The following GRIK3 variants were observed in gnomAD, a reference collection of about 807,000 sequenced individuals.
GRIK3 encodes the protein glutamate ionotropic receptor kainate type subunit 3.
GRIK3 carries 29 observed loss-of-function variants against 102.5 expected under a neutral mutation model. The ratio of observed to expected loss-of-function variants is 0.28; its 90% CI spans 0.21 to 0.39. The LOEUF is 0.39. Ranked by LOEUF, GRIK3 falls within the 10% of genes least tolerant of loss-of-function variation. GRIK3 has a pLI of 1.00. For missense variants in GRIK3, 908 were observed against 1,252.4 expected (o/e 0.73, Z 4.15); for synonymous variants, 511 against 504.9 (o/e 1.01, Z -0.16).
At chr1:36,994,952 G>A (rs544854815) in intron 1 of GRIK3, among the ~76,000 whole-genome samples, 1 of 152,236 alleles carries the variant, frequency 6.6e-6, no homozygotes, top group South Asian at 2.1e-4. Context: ...TCAGCCCGGT[G>A]AGAGACCTTC....
At chr1:36,945,313 G>C (rs1218067755) in intron 1 of GRIK3, among the ~76,000 whole-genome samples, 1 of 152,250 alleles carries the variant, frequency 6.6e-6, no homozygotes, top group African/African-American at 2.4e-5. Context: ...GCAGTGGAGT[G>C]GAGGTTGTGG....
intron 8 of GRIK3, among the ~76,000 whole-genome samples, chr1:36,851,349 AG>A (rs1433485568): frequency 6.6e-6 from 1 of 152,232 alleles, no homozygotes; most frequent in Non-Finnish European, 1.5e-5. Context: ...ATAATATGAG[AG>A]GCAGAGTAGC....
intron 1 of GRIK3, among the ~76,000 whole-genome samples, chr1:36,942,772 G>T (rs967656214): frequency 6.6e-6 from 1 of 151,974 alleles, no homozygotes; most frequent in Admixed American, 6.6e-5. Flanking sequence ...GCCAAACCCC[G>T]CCCCCATGGT....
At chr1:36,987,494 T>G (rs1184110633) in intron 1 of GRIK3, among the ~76,000 whole-genome samples, 1 of 152,164 alleles carries the variant, frequency 6.6e-6, no homozygotes, top group East Asian at 1.9e-4. Context: ...TTGGGCTCAA[T>G]CCCATGGGGA....
chr1:36,998,946 C>T (rs917525418), intron 1 of GRIK3, among the ~76,000 whole-genome samples: 7 of 151,896 alleles, frequency 4.6e-5, no homozygotes, highest in South Asian at 2.1e-4. Flanking sequence ...GCCTCTCTAA[C>T]CTCTGCCCTA....
chr1:37,032,785 G>A (rs1040468042), intron 1 of GRIK3, among the ~76,000 whole-genome samples: 4 of 152,248 alleles, frequency 2.6e-5, no homozygotes, highest in Admixed American at 2.6e-4. Context: ...TCCGGCTCCC[G>A]GGCGGCCGCC....
chr1:36,984,796 C>T (rs1231522891), intron 1 of GRIK3, among the ~76,000 whole-genome samples: 1 of 152,198 alleles, frequency 6.6e-6, no homozygotes, highest in Non-Finnish European at 1.5e-5. Flanking sequence ...GGTGCAGAGC[C>T]CAGGCCAGAA....
In GRIK3 at chr1:36,817,914, G is replaced by GA. The variant is rs1007420968; in HGVS notation, c.1874-638dup. Among the ~76,000 whole-genome samples, 318 of 151,506 alleles carry GA rather than the reference G, an allele frequency of 2.1e-3. 1 individual carries two copies. Among genetic ancestry groups the GA allele is most frequent in the Non-Finnish European group, 3.2e-3 (214 of 67,798 alleles). ...TGCTATGCAGTGCTTTGCAGGAGGG[G>GA]AAAAAAAAATCAACACTTTTTGAAG... On this transcript the variant is annotated intron_variant, in intron 12 of 15. Transcript: ENST00000373091.
At chr1:36,874,514 G>A (rs570904318) in intron 3 of GRIK3, among the ~76,000 whole-genome samples, 1 of 152,286 alleles carries the variant, frequency 6.6e-6, no homozygotes, top group East Asian at 1.9e-4. Context: ...AGGAGGAAGA[G>A]GCTATCAGTT....
At chr1:37,026,904 A>G (rs191919899) in intron 1 of GRIK3, among the ~76,000 whole-genome samples, 2 of 151,628 alleles carry the variant, frequency 1.3e-5, no homozygotes, top group East Asian at 3.9e-4. Flanking sequence ...TGAAAATGTG[A>G]AAAAAAAATC....
chr1:36,878,773 A>G (rs879418811), intron 3 of GRIK3, among the ~76,000 whole-genome samples: 1 of 152,218 alleles, frequency 6.6e-6, no homozygotes, highest in African/African-American at 2.4e-5. Context: ...TGCACAGGGC[A>G]TGTCACCTCT....
chr1:37,003,280 A>AAAC (rs1642497813), intron 1 of GRIK3, among the ~76,000 whole-genome samples: 1 of 152,202 alleles, frequency 6.6e-6, no homozygotes, highest in Admixed American at 6.5e-5. Context: ...TAATTCATGT[A>AAAC]AACAACTTTA....
chr1:37,012,822 T>A (rs1642612337), intron 1 of GRIK3, among the ~76,000 whole-genome samples: 1 of 152,222 alleles, frequency 6.6e-6, no homozygotes, highest in African/African-American at 2.4e-5. Flanking sequence ...CTGGGGCTCC[T>A]CAGTCCTGCT....
intron 7 of GRIK3, among the ~76,000 whole-genome samples, chr1:36,858,440 T>C (rs2124237654): frequency 6.6e-6 from 1 of 152,336 alleles, no homozygotes; most frequent in African/African-American, 2.4e-5. Flanking sequence ...CAGTGGCAGA[T>C]GGAGAAGCCT....
intron 1 of GRIK3, among the ~76,000 whole-genome samples, chr1:36,957,408 G>C (rs1183699409): frequency 6.9e-6 from 1 of 145,038 alleles, no homozygotes. Flanking sequence ...TGTGCCCCGT[G>C]AGCCTGTGTG....
intron 1 of GRIK3, among the ~76,000 whole-genome samples, chr1:36,902,750 G>A (rs891866031): frequency 9.2e-5 from 14 of 152,024 alleles, no homozygotes; most frequent in Admixed American, 5.2e-4. Context: ...ACAGTAAAGA[G>A]AATGAAAAAT....
intron 11 of GRIK3, among the ~76,000 whole-genome samples, chr1:36,823,952 C>T (rs1214574720): frequency 6.6e-6 from 1 of 152,096 alleles, no homozygotes; most frequent in Non-Finnish European, 1.5e-5. Flanking sequence ...ATAATTATAC[C>T]CACCTCAAGA....
chr1:36,956,257 G>A (rs543578268), intron 1 of GRIK3, among the ~76,000 whole-genome samples: 8 of 152,346 alleles, frequency 5.3e-5, no homozygotes, highest in Non-Finnish European at 1.0e-4. Context: ...AGCAGGCAGC[G>A]TGATTGGTAG....
At chr1:37,031,344 T>A (rs1213447625) in intron 1 of GRIK3, among the ~76,000 whole-genome samples, 4 of 152,232 alleles carry the variant, frequency 2.6e-5, no homozygotes, top group Non-Finnish European at 5.9e-5. Flanking sequence ...TGCCTTGACC[T>A]CTCCTTCTGA....
Sources: gnomAD v4.1 joint callset for allele counts (sites outside exome capture counted in the v4.1 genomes callset) on GRCh38, gnomAD v4.1.1 for gene constraint, MANE v1.5 for transcripts, NCBI Gene and HGNC (gene_info 2026-07-23, HGNC 2026-07-21) for gene names.